Variants in DENND2B observed in about 807,000 individuals in gnomAD.
DENND2B encodes DENN domain containing 2B.
A neutral mutation model predicts 116.0 loss-of-function variants in DENND2B; 32 were observed. The ratio of observed to expected loss-of-function variants is 0.28; its 90% CI spans 0.21 to 0.37. The LOEUF (loss-of-function observed/expected upper bound fraction) is 0.37, where lower values mean the gene tolerates loss of function less well. DENND2B is among the 10% of genes least tolerant of loss of function. The probability of loss-of-function intolerance (pLI) is 1.00; values close to 1 mark genes in which losing one functional copy is unlikely to be tolerated. For missense variants in DENND2B, 1,276 were observed against 1,477.7 expected (o/e 0.86, Z 2.24); for synonymous variants, 588 against 583.9 (o/e 1.01, Z -0.10).
Position 8,718,011 on chromosome 11 carries a change from C to T in DENND2B, c.1478-119G>A, listed in dbSNP as rs1004615460. On this transcript the variant is annotated intron_variant, in intron 4 of 19. Coordinates refer to ENST00000313726, the MANE Select transcript of DENND2B (RefSeq NM_213618.2). ...ACCAAAGAGAATGGCTTCTGCCTGG[C>T]CCCTCAGCTCATGAGTCATGCAGCT... 63 of 1,171,978 alleles carry T rather than the reference C, an allele frequency of 5.4e-5. No individual in the cohort carries two copies. The East Asian group carries it at 1.6e-3, about 29-fold the overall frequency. 72.6% of individuals were successfully genotyped at this position (1,171,978 alleles called of 1,614,324 possible).
At chr11:8,873,557 TC>T (rs2063814049), upstream of DENND2B, among the ~76,000 whole-genome samples, 1 of 152,234 alleles carries the variant, frequency 6.6e-6, no homozygotes, top group African/African-American at 2.4e-5. Context: ...GACACTGACA[TC>T]AGAAATGGTG....
chr11:8,788,326 C>G (rs1238933625), intron 1 of DENND2B, among the ~76,000 whole-genome samples: 1 of 152,148 alleles, frequency 6.6e-6, no homozygotes, highest in Non-Finnish European at 1.5e-5. Context: ...TGCTTCAACC[C>G]CACCTATGTA....
chr11:8,715,862 G>A, intron 5 of DENND2B, 44 bp from the exon 6 acceptor site: 1 of 1,534,982 alleles, frequency 6.5e-7, no homozygotes. Flanking sequence ...TGCCACAGAG[G>A]CCTTGGCCAG....
At chr11:8,756,213 G>A (rs1230422358) in intron 1 of DENND2B, among the ~76,000 whole-genome samples, 2 of 152,196 alleles carry the variant, frequency 1.3e-5, no homozygotes, top group African/African-American at 4.8e-5. Flanking sequence ...AAAAAAACAT[G>A]ATGAAAAACA....
At chr11:8,857,876 T>C (rs2063250084) in intron 2 of DENND2B, among the ~76,000 whole-genome samples, 2 of 152,150 alleles carry the variant, frequency 1.3e-5, no homozygotes, top group Admixed American at 1.3e-4. Flanking sequence ...CCCTTCCACC[T>C]TTAAAAAAAA....
upstream of DENND2B, among the ~76,000 whole-genome samples, chr11:8,813,318 G>A (rs1179128443): frequency 6.6e-6 from 1 of 152,096 alleles, no homozygotes; most frequent in Non-Finnish European, 1.5e-5. Context: ...AGCTTGAAAG[G>A]GAGTGAACCT....
upstream of DENND2B, among the ~76,000 whole-genome samples, chr11:8,811,885 C>T (rs1035038707): frequency 6.6e-6 from 1 of 152,142 alleles, no homozygotes; most frequent in Non-Finnish European, 1.5e-5. Flanking sequence ...AGGCATGCAC[C>T]ACCACGCCTG....
At chr11:8,807,846 T>C (rs2061011438) in intron 1 of DENND2B, 2 of 152,184 alleles carry the variant, frequency 1.3e-5, no homozygotes, top group African/African-American at 4.8e-5. Context: ...TTTTTTAATC[T>C]GCCTACTATG....
At chr11:8,797,559 T>C (rs1196961822) in intron 1 of DENND2B, among the ~76,000 whole-genome samples, 1 of 148,976 alleles carries the variant, frequency 6.7e-6, no homozygotes, top group East Asian at 2.0e-4. Context: ...TCTCTTCTCT[T>C]CTCTGAGACA....
At chr11:8,776,154 G>GCACACACACA (rs753898926) in intron 1 of DENND2B, 3 of 288,846 alleles carry the variant, frequency 1.0e-5, no homozygotes, top group South Asian at 4.1e-5. Flanking sequence ...GCGCACGCGC[G>GCACACACACA]CGCGCGCACA....
chr11:8,809,382 C>G (rs1273747205), intron 1 of DENND2B: 3 of 152,228 alleles, frequency 2.0e-5, no homozygotes, highest in Non-Finnish European at 4.4e-5. Context: ...ACCAGGACAG[C>G]AGCTGTTCCC....
chr11:8,785,706 G>A (rs1325435268), intron 1 of DENND2B: 1 of 152,224 alleles, frequency 6.6e-6, no homozygotes, highest in Non-Finnish European at 1.5e-5. Context: ...AGAAGAGAAG[G>A]GAGGAATGCA....
intron 1 of DENND2B, among the ~76,000 whole-genome samples, chr11:8,751,000 C>A (rs2052329215): frequency 6.6e-6 from 1 of 151,878 alleles, no homozygotes; most frequent in East Asian, 1.9e-4. Context: ...CCAATCAGCA[C>A]CCTATGTCTA....
chr11:8,732,752 A>G (rs1332733841), intron 2 of DENND2B, among the ~76,000 whole-genome samples: 1 of 152,270 alleles, frequency 6.6e-6, no homozygotes, highest in East Asian at 1.9e-4. Flanking sequence ...AATTCTTTCC[A>G]AACAGTTTCA....
chr11:8,872,485 TA>T (rs398044981), upstream of DENND2B, among the ~76,000 whole-genome samples: 246 of 102,916 alleles, frequency 2.4e-3, 1 homozygote, highest in African/African-American at 4.8e-3. Context: ...AGACTCCGTC[TA>T]AAAAAAAAAA....
At chr11:8,716,682 G>T (rs1452248390) in intron 5 of DENND2B, among the ~76,000 whole-genome samples, 1 of 149,528 alleles carries the variant, frequency 6.7e-6, no homozygotes, top group African/African-American at 2.5e-5. Context: ...GAGTCTCGCT[G>T]TGTCGCCCAG....
Position 8,712,818 on chromosome 11 carries a change from T to C in DENND2B, c.1988-83A>G. ...TACCCCTGGCTCAGGGCTCCATTGC[T>C]GTGGAGCACTTTTAAGTACGTGAGC... On this transcript the variant is annotated intron_variant, in intron 8 of 19. Transcript: ENST00000313726. This position sits in a 1 kb window ranked among gnomAD's most constrained non-coding sequence, Gnocchi z 4.4. The C allele has an allele frequency of 7.1e-7, 1 of 1,401,886 alleles. No individual in the cohort carries two copies. 86.8% of individuals were successfully genotyped at this position (1,401,886 alleles called of 1,614,324 possible).
chr11:8,825,056 G>A (rs1020464775), intron 4 of DENND2B, among the ~76,000 whole-genome samples: 3 of 151,984 alleles, frequency 2.0e-5, no homozygotes, highest in Admixed American at 1.3e-4. Flanking sequence ...GGGATTGCTG[G>A]GTGGAATGGT....
At chr11:8,711,797 G>T in intron 9 of DENND2B, 1 of 291,814 alleles carries the variant, frequency 3.4e-6, no homozygotes, top group South Asian at 3.2e-5. Context: ...AACCCAGGAG[G>T]CGGAGGTTGC....
Sources: gnomAD v4.1 joint callset for allele counts (sites outside exome capture counted in the v4.1 genomes callset) on GRCh38, gnomAD v4.1.1 for gene constraint, Gnocchi (gnomAD v3.1) non-coding constraint, MANE v1.5 for transcripts, NCBI Gene and HGNC (gene_info 2026-07-23, HGNC 2026-07-21) for gene names.